CYB5A: variants seen among roughly 807,000 people sequenced by gnomAD.
CYB5A encodes the protein cytochrome b5.
CYB5A carries 10 observed loss-of-function variants against 16.2 expected under a neutral mutation model. That is an observed-to-expected ratio of 0.62 (90% confidence interval 0.38 to 1.04). CYB5A has a LOEUF of 1.04. CYB5A is among the 50% of genes least tolerant of loss of function. The pLI is 0.01. For synonymous variants in CYB5A, 62 were observed against 57.0 expected (o/e 1.09, Z -0.40); for missense variants, 161 against 165.9 (o/e 0.97, Z 0.16).
rs1981797425 is a variant in CYB5A, at chr18:74,252,252, C to T, written c.*1332G>A. ...GCTCATGCCAGTGCAAATGCAGTCA[C>T]AGCCAATGACACATGTACTGGGTTC... On this transcript the variant is annotated 3_prime_UTR_variant, in exon 5 of 5. Transcript: ENST00000340533. 1 of 152,240 alleles carries T rather than the reference C, an allele frequency of 6.6e-6. No individual in the cohort carries two copies. Among genetic ancestry groups the T allele is most frequent in the Non-Finnish European group, 1.5e-5 (1 of 68,056 alleles). The allele number at this position is 152,240 out of a possible 1,614,324, so 9.4% of individuals were successfully genotyped here. A position where few individuals can be genotyped will look rare whatever the true frequency, so the allele number is the denominator to read the frequency against.
intron 3 of CYB5A, chr18:74,256,582 ATG>A (rs1981991445): frequency 7.8e-6 from 4 of 513,898 alleles, no homozygotes; most frequent in Non-Finnish European, 1.4e-5. Context: ...GGGCTTGAAA[ATG>A]GGTTAAGAAG....
At chr18:74,262,915 C>T (rs59162905) in intron 2 of CYB5A, among the ~76,000 whole-genome samples, 4,637 of 152,136 alleles carry the variant, frequency 0.03, 149 homozygotes, top group East Asian at 0.18. Flanking sequence ...TTTGAGAGGC[C>T]GAGGTGGGTG....
chr18:74,259,332 A>C (rs1053509853), intron 3 of CYB5A: 2 of 152,226 alleles, frequency 1.3e-5, no homozygotes, highest in African/African-American at 4.8e-5. Context: ...CTAAAAGCTA[A>C]AGTCCCAGAA....
intron 3 of CYB5A, chr18:74,258,427 A>G (rs1447623807): frequency 6.6e-6 from 1 of 152,264 alleles, no homozygotes. Context: ...GTCTACAAAT[A>G]TCTTAATTTG....
intron 3 of CYB5A, chr18:74,256,531 A>G: frequency 2.2e-6 from 1 of 445,004 alleles, no homozygotes; most frequent in Non-Finnish European, 3.9e-6. Flanking sequence ...TACTTCTCCA[A>G]CAGCTGAAAA....
At chr18:74,261,994 C>A (rs902709240) in intron 2 of CYB5A, among the ~76,000 whole-genome samples, 1 of 152,182 alleles carries the variant, frequency 6.6e-6, no homozygotes, top group African/African-American at 2.4e-5. Context: ...GCTGAGTGTG[C>A]GGCCCCAGGA....
rs546103595 is a variant in CYB5A, at chr18:74,253,518, T to G, written c.*66A>C. 215 of 957,580 alleles carry G rather than the reference T, an allele frequency of 2.2e-4. No individual in the cohort carries two copies. In the Middle Eastern group the frequency reaches 3.4e-3, roughly 15 times the overall value. The allele number at this position is 957,580 out of a possible 1,614,324, so 59.3% of individuals were successfully genotyped here. A position where few individuals can be genotyped will look rare whatever the true frequency, so the allele number is the denominator to read the frequency against. On this transcript the variant is annotated 3_prime_UTR_variant, in exon 5 of 5. Transcript: ENST00000340533. ...GAAGGTTTCTGTCAGTTGAAGTAGT[T>G]AGCAATGGCTTCTTTTCTCCCGTGT... is the stretch of plus-strand genomic sequence containing the variant.
intron 1 of CYB5A, among the ~76,000 whole-genome samples, chr18:74,281,670 T>C (rs1983107419): frequency 6.6e-6 from 1 of 151,860 alleles, no homozygotes; most frequent in African/African-American, 2.4e-5. Flanking sequence ...TAACAACCCT[T>C]TCAGAGGCTT....
intron 1 of CYB5A, among the ~76,000 whole-genome samples, chr18:74,266,503 A>G (rs1352657983): frequency 6.6e-6 from 1 of 152,232 alleles, no homozygotes; most frequent in Non-Finnish European, 1.5e-5. Flanking sequence ...GGCCCTTTAT[A>G]AAGAATTGCA....
intron 1 of CYB5A, among the ~76,000 whole-genome samples, chr18:74,291,530 G>A (rs1342664601): frequency 6.7e-6 from 1 of 149,770 alleles, no homozygotes; most frequent in East Asian, 2.0e-4. Context: ...GAGCGCGCAG[G>A]TGTGCGGACT....
intron 3 of CYB5A, chr18:74,258,586 TG>T (rs1403150091): frequency 6.6e-6 from 1 of 152,168 alleles, no homozygotes; most frequent in African/African-American, 2.4e-5. Flanking sequence ...GATCGGCCGA[TG>T]GTTATACAGA....
intron 3 of CYB5A, 192 bp downstream of exon 3, chr18:74,260,723 G>A (rs539633398): frequency 9.1e-6 from 6 of 656,750 alleles, no homozygotes; most frequent in East Asian, 6.0e-5. Context: ...TTACACACAC[G>A]CCATCCTAAC....
chr18:74,291,937 A>C lies in CYB5A; in HGVS notation c.-62T>G. The C allele has an allele frequency of 6.2e-7, 1 of 1,601,128 alleles. No homozygotes were observed. Among genetic ancestry groups the C allele is most frequent in the Non-Finnish European group, 8.5e-7 (1 of 1,179,116 alleles). Reference sequence around the variant, plus strand: ...CCCGTCGGGTGGAGCAGAGCGCGCGACTCAGCCAGCTCCACCCGGGACATT... The same window carrying C: ...CCCGTCGGGTGGAGCAGAGCGCGCGCCTCAGCCAGCTCCACCCGGGACATT... On this transcript the variant is annotated 5_prime_UTR_variant, in exon 1 of 5. Coordinates refer to ENST00000340533, the MANE Select transcript of CYB5A (RefSeq NM_148923.4).
At chr18:74,261,885 C>T (rs1324260408) in intron 2 of CYB5A, among the ~76,000 whole-genome samples, 2 of 152,134 alleles carry the variant, frequency 1.3e-5, no homozygotes, top group Non-Finnish European at 2.9e-5. Context: ...GCAGAGCGGG[C>T]TCCTAGCAGG....
intron 1 of CYB5A, among the ~76,000 whole-genome samples, chr18:74,288,894 G>A (rs1351167472): frequency 3.3e-5 from 5 of 152,332 alleles, no homozygotes; most frequent in East Asian, 1.9e-4. Flanking sequence ...ATAAGAGGTC[G>A]AATCGGGAGG....
At chr18:74,280,008 G>A (rs1177239199) in intron 1 of CYB5A, among the ~76,000 whole-genome samples, 1 of 152,168 alleles carries the variant, frequency 6.6e-6, no homozygotes, top group African/African-American at 2.4e-5. Flanking sequence ...TATACCGTAT[G>A]TTACAAGGTA....
intron 3 of CYB5A, chr18:74,260,164 T>C (rs1445334900): frequency 6.6e-6 from 1 of 152,466 alleles, no homozygotes; most frequent in Non-Finnish European, 1.5e-5. Flanking sequence ...CTTTCTCTAA[T>C]GAAACCAAGA....
At chr18:74,275,792 C>T (rs1486190939) in intron 1 of CYB5A, among the ~76,000 whole-genome samples, 1 of 152,108 alleles carries the variant, frequency 6.6e-6, no homozygotes, top group Non-Finnish European at 1.5e-5. Flanking sequence ...ATAACCTCAG[C>T]CCCTTTAGAA....
intron 3 of CYB5A, chr18:74,257,296 C>T (rs1466170484): frequency 1.1e-5 from 2 of 183,454 alleles, no homozygotes; most frequent in South Asian, 1.1e-4. Flanking sequence ...CTGGCACCAG[C>T]ATCATCAGCA....
Sources: allele counts gnomAD v4.1 joint callset (sites outside exome capture counted in the v4.1 genomes callset), GRCh38; gene constraint gnomAD v4.1.1; transcripts MANE v1.5; gene names NCBI Gene and HGNC (gene_info 2026-07-23, HGNC 2026-07-21).